The following DAGLA variants were observed in gnomAD, a reference collection of about 807,000 sequenced individuals.
DAGLA encodes the protein diacylglycerol lipase-alpha.
Under a neutral mutation model 102.6 loss-of-function variants are expected in DAGLA, and 22 were observed. The ratio of observed to expected loss-of-function variants is 0.21; its 90% CI spans 0.15 to 0.31. The LOEUF is 0.31. Among genes scored for constraint, DAGLA ranks in the 10% least tolerant of loss-of-function variants. The pLI is 1.00. For missense variants in DAGLA, 927 were observed against 1,446.6 expected (o/e 0.64, Z 5.83); for synonymous variants, 578 against 628.9 (o/e 0.92, Z 1.21).
chr11:61,706,951 A>G (rs1404450153), intron 1 of DAGLA, among the ~76,000 whole-genome samples: 2 of 152,386 alleles, frequency 1.3e-5, no homozygotes, highest in South Asian at 2.1e-4. Flanking sequence ...CGTTGCCGTC[A>G]GCTCCTTCAC....
chr11:61,713,070 C>G, intron 1 of DAGLA, among the ~76,000 whole-genome samples: 1 of 152,244 alleles, frequency 6.6e-6, no homozygotes, highest in Middle Eastern at 3.4e-3. Flanking sequence ...TGCTCTCTCC[C>G]GACTCCACAG....
intron 1 of DAGLA, among the ~76,000 whole-genome samples, chr11:61,693,042 C>T (rs2065036879): frequency 2.0e-5 from 3 of 147,886 alleles, no homozygotes; most frequent in Admixed American, 2.0e-4. Context: ...GAGATTGAGT[C>T]TCACTCTGTT....
intron 1 of DAGLA, among the ~76,000 whole-genome samples, chr11:61,707,607 C>T (rs1285712325): frequency 6.6e-6 from 1 of 152,268 alleles, no homozygotes; most frequent in Non-Finnish European, 1.5e-5. Context: ...CACGGGCTTA[C>T]CTGGTCATTT....
rs112652491 is a variant in DAGLA at position 61,713,500 on chromosome 11, G to A, written c.-44-6612G>A. Among the ~76,000 whole-genome samples the A allele has an allele frequency of 9.2e-3, 1,403 of 152,312 alleles. 21 individuals are homozygous for A. The highest frequency in any genetic ancestry group is 0.032 in the African/African-American group (1,341 of 41,554). On this transcript the variant is annotated intron_variant, in intron 1 of 19. Coordinates refer to ENST00000257215, the MANE Select transcript of DAGLA (RefSeq NM_006133.3). ...CAGTCCCCAACTTATAGGTGGCTGA[G>A]ATCATTCTGTCCCTGTCACTACCCA...
chr11:61,735,810 C>T lies in DAGLA; in HGVS notation c.1284C>T (p.Gly428=). 1.9e-6 allele frequency: 3 copies of T among 1,609,894 alleles called. No individual in the cohort carries two copies. The highest frequency in any genetic ancestry group is 1.7e-6 in the Non-Finnish European group (2 of 1,178,192). Residue 428 remains glycine (G), a synonymous_variant, in exon 12 of 20, where the codon GGC becomes GGT. Coordinates refer to ENST00000257215, the MANE Select transcript of DAGLA (RefSeq NM_006133.3). ...AGGGGCACCACGGCACCTGGCTGGG[C>T]CACAAGGTAACCCACGTCATGGACC... The part of the protein sequence containing the change: ...PVEGHHGTWL[G]HKGMVLSAEY...
chr11:61,707,487 A>G (rs2065159376), intron 1 of DAGLA, among the ~76,000 whole-genome samples: 1 of 152,154 alleles, frequency 6.6e-6, no homozygotes, highest in Non-Finnish European at 1.5e-5. Context: ...CTCCTGGCCT[A>G]TTCCCCCACA....
Position 61,731,353 on chromosome 11 carries a change from A to G in DAGLA, c.886A>G (p.Met296Val), listed in dbSNP as rs200245683. The G allele has an allele frequency of 2.2e-5, 36 of 1,614,022 alleles. No homozygotes were observed. Among genetic ancestry groups the G allele is most frequent in the Non-Finnish European group, 3.1e-5 (36 of 1,179,966 alleles). The change falls in exon 9 of 20, where the codon ATG becomes GTG. Residue 296 changes from methionine (M) to valine (V), a missense_variant. By Grantham distance (21) the Met-to-Val change is conservative. Around this residue, in one of 4 missense-constraint regions of DAGLA, gnomAD observed 231 missense variants for 439.8 expected, o/e 0.53. Transcript: ENST00000257215. ...CCGCTACAAAGAGGTCTGCTACTAC[A>G]TGCTCTTTGCCCTGGCTGCCTACGG... ...MLRYKEVCYY[M>V]LFALAAYGWP...
At chr11:61,718,680 A>ACTC (rs922653781) in intron 1 of DAGLA, among the ~76,000 whole-genome samples, 1 of 144,550 alleles carries the variant, frequency 6.9e-6, no homozygotes, top group Admixed American at 6.9e-5. Flanking sequence ...CTGAGCTCCG[A>ACTC]CTCCTCCTTG....
chr11:61,735,461 G>C, intron 10 of DAGLA, 100 bp from the exon 11 acceptor site: 2 of 1,040,240 alleles, frequency 1.9e-6, no homozygotes, highest in Non-Finnish European at 2.8e-6. Flanking sequence ...GTGGCTGGTG[G>C]AGCCAGAGTT....
chr11:61,741,659 C>T (rs1401887208), intron 19 of DAGLA, among the ~76,000 whole-genome samples: 4 of 151,038 alleles, frequency 2.6e-5, no homozygotes, highest in African/African-American at 4.9e-5. Flanking sequence ...TCCCCCAGGC[C>T]GGAGTGCAAT....
chr11:61,697,575 C>A (rs2065077123), intron 1 of DAGLA, among the ~76,000 whole-genome samples: 1 of 152,204 alleles, frequency 6.6e-6, no homozygotes, highest in African/African-American at 2.4e-5. Context: ...TGGCCTGGGG[C>A]AGCTGTCTAC....
chr11:61,696,323 G>T (rs112418989), intron 1 of DAGLA, among the ~76,000 whole-genome samples: 1 of 152,280 alleles, frequency 6.6e-6, no homozygotes, highest in African/African-American at 2.4e-5. Flanking sequence ...CTGGGAGCGG[G>T]AGAGTGGGGG....
chr11:61,727,781 T>G (rs887096359), intron 6 of DAGLA, among the ~76,000 whole-genome samples: 1 of 152,180 alleles, frequency 6.6e-6, no homozygotes, highest in African/African-American at 2.4e-5. Flanking sequence ...GTTTCTGTGC[T>G]GGAGAGAATG....
At position 61,746,928 on chromosome 11, in the gene DAGLA, AT is replaced by A. The variant is rs1219622826; in HGVS notation, c.*2441del. 6.6e-6 allele frequency: 1 copy of A among 152,530 alleles called. No individual in the cohort carries two copies. Among genetic ancestry groups the A allele is most frequent in the African/African-American group, 2.4e-5 (1 of 41,468 alleles). The allele number at this position is 152,530 out of a possible 1,614,324, so 9.4% of individuals were successfully genotyped here. ...AAGGAGAGACAAATTAATATAGCTT[AT>A]TCTATAAATATATCTGTATATAAAG... On this transcript the variant is annotated 3_prime_UTR_variant, in exon 20 of 20. Transcript: ENST00000257215.
intron 1 of DAGLA, among the ~76,000 whole-genome samples, chr11:61,694,513 A>C (rs1002794775): frequency 6.6e-6 from 1 of 152,166 alleles, no homozygotes; most frequent in African/African-American, 2.4e-5. Context: ...TGGACCTGAC[A>C]TTGGCCTCAC....
Position 61,725,986 on chromosome 11 carries a change from G to T in DAGLA, c.549-9G>T. ...TGACCTCACACATACCGCCTCTCCTGCTTTGCAGGCACCGCTTAGAGGAGG... is the reference window on the plus strand; with the variant it reads ...TGACCTCACACATACCGCCTCTCCTTCTTTGCAGGCACCGCTTAGAGGAGG... On this transcript the variant is annotated splice_polypyrimidine_tract_variant and intron_variant, in intron 5 of 19. Coordinates refer to ENST00000257215, the MANE Select transcript of DAGLA (RefSeq NM_006133.3). The T allele has an allele frequency of 6.2e-7, 1 of 1,613,364 alleles. No individual in the cohort carries two copies. Among genetic ancestry groups the T allele is most frequent in the East Asian group, 2.2e-5 (1 of 44,892 alleles).
chr11:61,682,462 C>G (rs1372460974), intron 1 of DAGLA, among the ~76,000 whole-genome samples: 1 of 152,120 alleles, frequency 6.6e-6, no homozygotes, highest in Non-Finnish European at 1.5e-5. Flanking sequence ...CACTGTGAGT[C>G]AGCTGCTGAG....
In DAGLA at chr11:61,734,180, G is replaced by T. The variant is rs1427019603; in HGVS notation, c.975-669G>T. 2.0e-5 allele frequency among the ~76,000 whole-genome samples: 3 copies of T among 152,106 alleles called. No individual in the cohort carries two copies. The highest frequency in any genetic ancestry group is 2.0e-4 in the Admixed American group (3 of 15,276). On this transcript the variant is annotated intron_variant, in intron 9 of 19. Coordinates refer to ENST00000257215, the MANE Select transcript of DAGLA (RefSeq NM_006133.3). The surrounding 1 kb of genome is among the most constrained non-coding windows in gnomAD (Gnocchi z 4.2). ...CAGAGCTGCCAGGGCAGGGGTAGGG[G>T]AGGTGAGGGAGTGCCTGGAGTCCAG...
At chr11:61,699,161 G>T (rs985374324) in intron 1 of DAGLA, among the ~76,000 whole-genome samples, 2 of 152,176 alleles carry the variant, frequency 1.3e-5, no homozygotes, top group Non-Finnish European at 2.9e-5. Flanking sequence ...CAGTTGGGGG[G>T]AATTCTGCCC....
Sources: allele counts gnomAD v4.1 joint callset (sites outside exome capture counted in the v4.1 genomes callset), GRCh38; gene constraint gnomAD v4.1.1; regional missense constraint gnomAD v4.1.1; non-coding constraint Gnocchi (gnomAD v3.1); transcripts MANE v1.5; gene names NCBI Gene and HGNC (gene_info 2026-07-23, HGNC 2026-07-21).